Variants in C2 observed in about 807,000 individuals in gnomAD.
C2 encodes the protein C3/C5 convertase.
Under a neutral mutation model 85.2 loss-of-function variants are expected in C2, and 64 were observed. That is an observed-to-expected ratio of 0.75 (90% confidence interval 0.61 to 0.92). The LOEUF is 0.92. C2 is among the 40% of genes least tolerant of loss of function. The pLI is 0.00. For missense variants in C2, 820 were observed against 971.6 expected (o/e 0.84, Z 2.07); for synonymous variants, 311 against 370.8 (o/e 0.84, Z 1.85).
chr6:31,906,580 A>G (rs2151703549), intron 1 of C2, among the ~76,000 whole-genome samples: 1 of 151,916 alleles, frequency 6.6e-6, no homozygotes, highest in Admixed American at 6.6e-5. Flanking sequence ...AGACAGAAAA[A>G]GACTCTTCCA....
upstream of C2, among the ~76,000 whole-genome samples, chr6:31,918,012 T>C (rs989977244): frequency 6.6e-6 from 1 of 152,058 alleles, no homozygotes; most frequent in South Asian, 2.1e-4. Flanking sequence ...CGTAAAAAAA[T>C]TTTTAATGAA....
Position 31,921,103 on chromosome 6 carries a change from A to T in C2, c.-100+1077A>T, listed in dbSNP as rs190486490. Among the ~76,000 whole-genome samples, 7 of 152,266 alleles carry T rather than the reference A, an allele frequency of 4.6e-5. No individual in the cohort carries two copies. Among genetic ancestry groups the T allele is most frequent in the African/African-American group, 1.4e-4 (6 of 41,550 alleles). ...TGGGGGATGGTGTGTGTACCGAGGA[A>T]CTTAGCAGAGGCCTTTGTGTGGAAA... On this transcript the variant is annotated intron_variant, in intron 1 of 3. Transcript: ENST00000413154. This position sits in a 1 kb window ranked among gnomAD's most constrained non-coding sequence, Gnocchi z 4.6.
Position 31,939,249 on chromosome 6 carries a change from GCT to G in C2, c.1152_1153del (p.Pro385GlnfsTer5). On this transcript the variant is annotated frameshift_variant, in exon 9 of 18. Transcript: ENST00000299367. LOFTEE classifies it high-confidence loss of function. ...GTTCTAGGAAAGTCCAATATGGGTG[GCT>G]CTCCCAAGACAGCTGTTGACCATAT... 1 of 1,611,554 alleles carries G rather than the reference GCT, an allele frequency of 6.2e-7. No homozygotes were observed. The highest frequency in any genetic ancestry group is 8.5e-7 in the Non-Finnish European group (1 of 1,178,882).
intron 8 of C2, among the ~76,000 whole-genome samples, chr6:31,937,774 G>A (rs889720288): frequency 1.3e-4 from 20 of 151,216 alleles, no homozygotes; most frequent in African/African-American, 4.1e-4. Flanking sequence ...AGGCCAAAGC[G>A]GGTGGATCAC....
upstream of C2, among the ~76,000 whole-genome samples, chr6:31,916,620 A>C (rs1768528137): frequency 6.6e-6 from 1 of 150,638 alleles, no homozygotes; most frequent in Non-Finnish European, 1.5e-5. Context: ...CGATTCCCCC[A>C]GGCCCTCCTG....
chr6:31,901,453 C>T (rs1767260173), intron 1 of C2: 6 of 931,368 alleles, frequency 6.4e-6, no homozygotes, highest in African/African-American at 1.7e-5. Flanking sequence ...ATTTCTTCCT[C>T]AGTTTCCCCA....
At chr6:31,909,055 G>C (rs936749537) in intron 1 of C2, among the ~76,000 whole-genome samples, 1 of 151,794 alleles carries the variant, frequency 6.6e-6, no homozygotes. Flanking sequence ...AGGTTTTCCC[G>C]GACAGTTTAG....
chr6:31,910,151 T>A (rs1321256056), intron 1 of C2, among the ~76,000 whole-genome samples: 1 of 151,002 alleles, frequency 6.6e-6, no homozygotes. Context: ...AGTGCTGGGA[T>A]TACAGACGTG....
intron 7 of C2, 44 bp from the exon 8 acceptor site, chr6:31,937,275 G>T (rs1411135912): frequency 6.2e-7 from 1 of 1,605,594 alleles, no homozygotes; most frequent in Admixed American, 1.7e-5. Flanking sequence ...CTAGGTGGTA[G>T]GTGGGAAGTT....
rs1317838643 is a variant in C2, at chr6:31,933,889, T to C, written c.639T>C (p.Pro213=). The C allele has an allele frequency of 6.2e-6, 10 of 1,614,150 alleles. No individual in the cohort carries two copies. Among genetic ancestry groups the C allele is most frequent in the East Asian group, 4.5e-5 (2 of 44,884 alleles). ...CAGAACCCTACTCTTATGACTTCCC[T>C]GAGGACGTGGCCCCTGCCCTGGGCA... ...ICRQPYSYDF[P]EDVAPALGTS... Residue 213 remains proline (P), a synonymous_variant, in exon 5 of 18, where the codon CCT becomes CCC. Coordinates refer to ENST00000299367, the MANE Select transcript of C2 (RefSeq NM_000063.6).
At chr6:31,910,039 C>T (rs1389036484) in intron 1 of C2, among the ~76,000 whole-genome samples, 1 of 151,618 alleles carries the variant, frequency 6.6e-6, no homozygotes, top group Non-Finnish European at 1.5e-5. Context: ...CGCCACCACG[C>T]CTGGCTAATT....
At chr6:31,910,078 A>G (rs1179931253) in intron 1 of C2, among the ~76,000 whole-genome samples, 8 of 149,168 alleles carry the variant, frequency 5.4e-5, no homozygotes, top group South Asian at 4.3e-4. Flanking sequence ...ATGGGGTTTC[A>G]CCATATTGGC....
chr6:31,904,457 G>T lies in C2; in HGVS notation c.73+3318G>T, dbSNP rs1246161525. ...ACCTCCCAAGTAGCTGGGATTACAG[G>T]TGCCCGCCACCATGCCTAGCTAATT... On this transcript the variant is annotated intron_variant, in intron 1 of 3. Transcript: ENST00000452202. This position sits in a 1 kb window ranked among gnomAD's most constrained non-coding sequence, Gnocchi z 4.4. Among the ~76,000 whole-genome samples the T allele has an allele frequency of 6.6e-6, 1 of 151,860 alleles. No homozygotes were observed.
Position 31,945,578 on chromosome 6 carries a change from C to A in C2, c.*221C>A. The A allele has an allele frequency of 1.7e-6, 1 of 598,682 alleles. No individual in the cohort carries two copies. The allele number at this position is 598,682 out of a possible 1,614,324, so 37.1% of individuals were successfully genotyped here. A position where few individuals can be genotyped will look rare whatever the true frequency, so the allele number is the denominator to read the frequency against. ...CCACCTCCCGCTCCTTGGCCTGTCC[C>A]CAGATTCCTTCCCTGGTTGACTTGA... On this transcript the variant is annotated 3_prime_UTR_variant, in exon 18 of 18. Coordinates refer to ENST00000299367, the MANE Select transcript of C2 (RefSeq NM_000063.6). The surrounding 1 kb of genome is among the most constrained non-coding windows in gnomAD (Gnocchi z 5.3).
chr6:31,928,082 C>T lies in C2; in HGVS notation c.174C>T (p.Ser58=), dbSNP rs753987052. Residue 58 remains serine (S), a synonymous_variant, in exon 2 of 18, where the codon TCC becomes TCT. Transcript: ENST00000299367. Reference sequence around the variant, plus strand: ...CCTGCCCCCAGGGCCTGTACCCATCCCCAGCATCACGGCTGTGCAAGAGCA... The same window carrying T: ...CCTGCCCCCAGGGCCTGTACCCATCTCCAGCATCACGGCTGTGCAAGAGCA... ...TYSCPQGLYP[S]PASRLCKSSG... is the part of the protein sequence containing the mutation. The T allele has an allele frequency of 2.5e-6, 4 of 1,614,024 alleles. No homozygotes were observed. In the African/African-American group the frequency reaches 5.3e-5, roughly 22 times the overall value.
chr6:31,931,816 C>T (rs1384975509), intron 3 of C2, among the ~76,000 whole-genome samples: 1 of 152,030 alleles, frequency 6.6e-6, no homozygotes, highest in African/African-American at 2.4e-5. Flanking sequence ...GGCAGAGGGG[C>T]TCCTCACTTT....
chr6:31,900,931 C>T (rs1440038977), upstream of C2: 4 of 1,614,076 alleles, frequency 2.5e-6, no homozygotes, highest in Non-Finnish European at 3.4e-6. The surrounding 1 kb of genome is among the most constrained non-coding windows in gnomAD (Gnocchi z 9.7). Flanking sequence ...GCTCAATGAA[C>T]TGGCTGAGGG....
upstream of C2, chr6:31,898,037 C>A: frequency 2.5e-6 from 1 of 402,204 alleles, no homozygotes; most frequent in Non-Finnish European, 3.4e-6. Flanking sequence ...TGCTTTTCTG[C>A]CTTTCTAGTT....
upstream of C2, chr6:31,897,809 G>C: frequency 9.9e-7 from 1 of 1,006,216 alleles, no homozygotes; most frequent in Non-Finnish European, 1.2e-6. Flanking sequence ...AGCGGCCTCG[G>C]AGATGGCTGT....
Sources: allele counts gnomAD v4.1 joint callset (sites outside exome capture counted in the v4.1 genomes callset), GRCh38; gene constraint gnomAD v4.1.1; non-coding constraint Gnocchi (gnomAD v3.1); transcripts MANE v1.5; gene names NCBI Gene and HGNC (gene_info 2026-07-23, HGNC 2026-07-21).